The following ABLIM1 variants were observed in gnomAD, a reference collection of about 807,000 sequenced individuals.
ABLIM1 encodes actin binding LIM protein 1.
In ABLIM1, 40 loss-of-function variants were observed where a neutral mutation model predicts 107.0. The observed-to-expected ratio is 0.37, with a 90% CI of 0.29 to 0.49. The LOEUF is 0.49. Among genes scored for constraint, ABLIM1 ranks in the 20% least tolerant of loss-of-function variants. The pLI, the probability that ABLIM1 is intolerant of heterozygous loss-of-function variation, is 0.97. For missense variants in ABLIM1, 857 were observed against 1,008.5 expected (o/e 0.85, Z 2.04); for synonymous variants, 357 against 357.3 (o/e 1.00, Z 0.01).
intron 1 of ABLIM1, among the ~76,000 whole-genome samples, chr10:114,627,533 G>A (rs2077892554): frequency 6.6e-6 from 1 of 152,046 alleles, no homozygotes; most frequent in Non-Finnish European, 1.5e-5. Context: ...ACACAGAAAG[G>A]GCAAGCAGGA....
chr10:114,753,025 C>T (rs889222259), intron 1 of ABLIM1, among the ~76,000 whole-genome samples: 13 of 152,078 alleles, frequency 8.5e-5, no homozygotes, highest in Admixed American at 5.2e-4. Context: ...ACCTAAAAGC[C>T]GTAGATCTCT....
the ABLIM1 span, among the ~76,000 whole-genome samples, chr10:114,786,563 T>TA: frequency 1.3e-5 from 2 of 152,226 alleles, no homozygotes; most frequent in Admixed American, 1.3e-4. Flanking sequence ...AGCACAATAT[T>TA]AAACACATTT....
intron 1 of ABLIM1, chr10:114,632,002 C>A (rs2078214534): frequency 1.5e-6 from 2 of 1,297,192 alleles, no homozygotes; most frequent in Non-Finnish European, 2.0e-6. Context: ...GCAGACAGAT[C>A]CGCGGGCGCT....
intron 4 of ABLIM1, among the ~76,000 whole-genome samples, chr10:114,570,971 C>G (rs1008773754): frequency 6.6e-6 from 1 of 152,142 alleles, no homozygotes; most frequent in Admixed American, 6.5e-5. Flanking sequence ...AATCTACATT[C>G]CTACCAACAG....
intron 6 of ABLIM1, among the ~76,000 whole-genome samples, chr10:114,510,513 T>C (rs548601151): frequency 7.8e-4 from 118 of 152,222 alleles, no homozygotes; most frequent in Middle Eastern, 3.4e-3. Flanking sequence ...CATTCATTTT[T>C]TGTATTTCCA....
chr10:114,726,253 A>G (rs929893097), intron 1 of ABLIM1, among the ~76,000 whole-genome samples: 1 of 152,208 alleles, frequency 6.6e-6, no homozygotes. Context: ...TTTTGCCAGT[A>G]GGCAAAAAGG....
chr10:114,787,469 C>T, the ABLIM1 span, among the ~76,000 whole-genome samples: 6 of 150,138 alleles, frequency 4.0e-5, no homozygotes, highest in East Asian at 2.0e-4. Flanking sequence ...TCTGCCCAGC[C>T]GCCCCTACTG....
At chr10:114,501,970 A>C (rs889371303) in intron 6 of ABLIM1, 2 of 152,194 alleles carry the variant, frequency 1.3e-5, no homozygotes, top group Non-Finnish European at 2.9e-5. Context: ...TGCCCTAAAA[A>C]TCCTCTGTGC....
chr10:114,499,862 G>T (rs368251307), intron 6 of ABLIM1, among the ~76,000 whole-genome samples: 1 of 152,154 alleles, frequency 6.6e-6, no homozygotes, highest in African/African-American at 2.4e-5. Flanking sequence ...GCTTTTTTGC[G>T]TCTACTGGTT....
chr10:114,660,495 C>T (rs2079745660), upstream of ABLIM1, among the ~76,000 whole-genome samples: 1 of 150,414 alleles, frequency 6.6e-6, no homozygotes, highest in Non-Finnish European at 1.5e-5. Context: ...AAAAAAGTGG[C>T]ATTCATCCAT....
intron 6 of ABLIM1, among the ~76,000 whole-genome samples, chr10:114,531,138 A>G (rs1236451329): frequency 6.6e-6 from 1 of 152,248 alleles, no homozygotes; most frequent in Admixed American, 6.5e-5. Context: ...ATAATCCCAT[A>G]TAACTACATC....
chr10:114,690,688 A>G (rs1046615016), intron 1 of ABLIM1: 14 of 405,796 alleles, frequency 3.5e-5, no homozygotes, highest in African/African-American at 1.5e-4. Context: ...GCAAAAGCCT[A>G]TTTTTTTTTT....
intron 1 of ABLIM1, among the ~76,000 whole-genome samples, chr10:114,693,652 T>C (rs1313138344): frequency 6.6e-6 from 1 of 151,870 alleles, no homozygotes; most frequent in Non-Finnish European, 1.5e-5. Flanking sequence ...TTTATTTCTT[T>C]TTTTTTTTCT....
intron 5 of ABLIM1, 150 bp downstream of exon 5, chr10:114,547,500 A>G: frequency 4.7e-6 from 5 of 1,071,592 alleles, no homozygotes; most frequent in Non-Finnish European, 6.5e-6. Flanking sequence ...ATTCTTTTCA[A>G]AAGTTTTATA....
intron 2 of ABLIM1, among the ~76,000 whole-genome samples, chr10:114,587,770 T>C (rs1344516679): frequency 6.6e-6 from 1 of 152,056 alleles, no homozygotes; most frequent in Non-Finnish European, 1.5e-5. Flanking sequence ...TTCTGGAGGT[T>C]TATGTTCAAA....
chr10:114,676,341 G>T (rs1049745727), intron 1 of ABLIM1, among the ~76,000 whole-genome samples: 18 of 152,044 alleles, frequency 1.2e-4, no homozygotes, highest in African/African-American at 4.3e-4. Flanking sequence ...GCTGGGTGTG[G>T]TGGTGCGTGA....
chr10:114,521,394 G>A (rs2063711747), intron 6 of ABLIM1, among the ~76,000 whole-genome samples: 2 of 152,236 alleles, frequency 1.3e-5, no homozygotes, highest in Admixed American at 1.3e-4. Flanking sequence ...TGCTTATAAA[G>A]TGCTAAGGCA....
intron 1 of ABLIM1, among the ~76,000 whole-genome samples, chr10:114,742,280 G>A (rs1012647850): frequency 6.6e-6 from 1 of 152,100 alleles, no homozygotes; most frequent in Non-Finnish European, 1.5e-5. Flanking sequence ...TAATTGCTAC[G>A]TGTTAATTTC....
At chr10:114,480,963 C>T (rs576495767) in intron 8 of ABLIM1, among the ~76,000 whole-genome samples, 2 of 152,310 alleles carry the variant, frequency 1.3e-5, no homozygotes, top group East Asian at 3.9e-4. Context: ...AAAAGCACAT[C>T]TTTTTGTTTT....
Sources: allele counts gnomAD v4.1 joint callset (sites outside exome capture counted in the v4.1 genomes callset), GRCh38; gene constraint gnomAD v4.1.1; transcripts MANE v1.5; gene names NCBI Gene and HGNC (gene_info 2026-07-23, HGNC 2026-07-21).